KCNMB2: variants seen among roughly 807,000 people sequenced by gnomAD.
The protein encoded by KCNMB2 is potassium calcium-activated channel subfamily M regulatory beta subunit 2.
Under a neutral mutation model 24.5 loss-of-function variants are expected in KCNMB2, and 9 were observed. The observed-to-expected ratio is 0.37, with a 90% CI of 0.22 to 0.64. The LOEUF (loss-of-function observed/expected upper bound fraction) is 0.64, where lower values mean the gene tolerates loss of function less well. KCNMB2 is among the 30% of genes least tolerant of loss of function. The probability of loss-of-function intolerance (pLI) is 0.63; values close to 1 mark genes in which losing one functional copy is unlikely to be tolerated. For synonymous variants in KCNMB2, 109 were observed against 104.4 expected (o/e 1.04, Z -0.27); for missense variants, 226 against 284.3 (o/e 0.79, Z 1.47).
intron 1 of KCNMB2, among the ~76,000 whole-genome samples, chr3:178,591,199 C>T (rs570071779): frequency 1.3e-5 from 2 of 151,910 alleles, no homozygotes; most frequent in East Asian, 3.9e-4. Context: ...GGAAAAAAAA[C>T]CTCAAACATC....
chr3:178,587,126 C>G (rs1717471499), intron 1 of KCNMB2, among the ~76,000 whole-genome samples: 1 of 152,056 alleles, frequency 6.6e-6, no homozygotes. Context: ...ATGGTTTGAA[C>G]TCTATTCTGC....
chr3:178,554,045 T>C (rs948030990), intron 1 of KCNMB2, among the ~76,000 whole-genome samples: 3 of 152,206 alleles, frequency 2.0e-5, no homozygotes, highest in African/African-American at 4.8e-5. Context: ...TCAGGTGTTA[T>C]GCTTACATGA....
rs78847193 is a variant in KCNMB2, at chr3:178,723,402, T to G, written c.-67-83941T>G. Among the ~76,000 whole-genome samples, 989 of 152,344 alleles carry G rather than the reference T, an allele frequency of 6.5e-3. 9 individuals are homozygous for G. Among genetic ancestry groups the G allele is most frequent in the African/African-American group, 0.023 (949 of 41,578 alleles). On this transcript the variant is annotated intron_variant, in intron 1 of 4. Transcript: ENST00000452583. ...TGTCTTTCATCAGCATTTTGTAGTT[T>G]TCAGCAAATAAAATAGGCAGATGCT...
intron 1 of KCNMB2, among the ~76,000 whole-genome samples, chr3:178,767,984 G>A (rs571813714): frequency 6.0e-4 from 90 of 150,416 alleles, no homozygotes; most frequent in African/African-American, 1.9e-3. Flanking sequence ...TGCAGTGTTC[G>A]CATTTGGCTG....
At chr3:178,609,625 A>C (rs1477956525) in intron 1 of KCNMB2, among the ~76,000 whole-genome samples, 1 of 151,532 alleles carries the variant, frequency 6.6e-6, no homozygotes, top group African/African-American at 2.4e-5. Context: ...CTTAGATATA[A>C]GTCTTTAGTC....
intron 1 of KCNMB2, among the ~76,000 whole-genome samples, chr3:178,614,287 A>ATATATATATATATATATATATG (rs1718616528): frequency 1.3e-5 from 1 of 74,510 alleles, no homozygotes; most frequent in African/African-American, 4.5e-5. Context: ...ATATATATAT[A>ATATATATATATATATATATATG]TATATATATG....
At chr3:178,694,979 C>A (rs1482220125) in intron 1 of KCNMB2, among the ~76,000 whole-genome samples, 4 of 152,232 alleles carry the variant, frequency 2.6e-5, no homozygotes, top group Non-Finnish European at 5.9e-5. Context: ...TCTGCACTGA[C>A]CTGGCAGAGG....
intron 4 of KCNMB2, among the ~76,000 whole-genome samples, chr3:178,835,245 T>C (rs1003851611): frequency 6.6e-6 from 1 of 152,054 alleles, no homozygotes; most frequent in African/African-American, 2.4e-5. Context: ...CAGTCATGCA[T>C]AGCAGTGTGA....
At chr3:178,784,548 C>T (rs1713018246) in intron 1 of KCNMB2, among the ~76,000 whole-genome samples, 1 of 152,010 alleles carries the variant, frequency 6.6e-6, no homozygotes, top group Admixed American at 6.6e-5. Flanking sequence ...CCCAAGTCAT[C>T]CTATTAAACA....
intron 1 of KCNMB2, among the ~76,000 whole-genome samples, chr3:178,691,721 C>T (rs1480348671): frequency 6.6e-6 from 1 of 152,144 alleles, no homozygotes; most frequent in Non-Finnish European, 1.5e-5. Context: ...TGAACATACG[C>T]ATGCATGTGT....
At chr3:178,655,886 C>T (rs184652454) in intron 1 of KCNMB2, among the ~76,000 whole-genome samples, 5 of 152,278 alleles carry the variant, frequency 3.3e-5, no homozygotes, top group Admixed American at 2.6e-4. Context: ...TTACTTTTAT[C>T]ACAGGGAAAA....
intron 1 of KCNMB2, among the ~76,000 whole-genome samples, chr3:178,708,430 A>T (rs1293537627): frequency 6.6e-6 from 1 of 152,188 alleles, no homozygotes; most frequent in Non-Finnish European, 1.5e-5. Context: ...ACTGTGGGGT[A>T]AAATGCTATT....
chr3:178,751,380 ACCAGCCTGGCCAACATAGTGAAAC>A (rs1397053043), intron 1 of KCNMB2, among the ~76,000 whole-genome samples: 1 of 152,032 alleles, frequency 6.6e-6, no homozygotes, highest in African/African-American at 2.4e-5. Flanking sequence ...GGAGTTTGAG[ACCAGCCTGGCCAACATAGTGAAAC>A]CCCATCTGTA....
intron 1 of KCNMB2, among the ~76,000 whole-genome samples, chr3:178,700,504 A>G (rs547747637): frequency 3.3e-5 from 5 of 152,386 alleles, no homozygotes; most frequent in African/African-American, 9.6e-5. Context: ...CCATACAGTG[A>G]TATTGGGCTA....
At chr3:178,631,027 A>G (rs191671501) in intron 1 of KCNMB2, among the ~76,000 whole-genome samples, 1 of 152,348 alleles carries the variant, frequency 6.6e-6, no homozygotes. Flanking sequence ...GAAAGAAGTC[A>G]GACAACTTAA....
intron 1 of KCNMB2, among the ~76,000 whole-genome samples, chr3:178,642,815 C>T (rs1719775048): frequency 6.6e-6 from 1 of 152,204 alleles, no homozygotes; most frequent in Admixed American, 6.5e-5. Flanking sequence ...ATTTGATCTA[C>T]TTCTTCATCA....
intron 1 of KCNMB2, among the ~76,000 whole-genome samples, chr3:178,728,553 A>G (rs189751221): frequency 2.0e-5 from 3 of 151,398 alleles, no homozygotes; most frequent in East Asian, 3.9e-4. Flanking sequence ...AAGAGATGAG[A>G]TCAGCTTTGG....
At chr3:178,789,123 A>C (rs1175154699) in intron 1 of KCNMB2, among the ~76,000 whole-genome samples, 1 of 152,240 alleles carries the variant, frequency 6.6e-6, no homozygotes, top group Non-Finnish European at 1.5e-5. Flanking sequence ...ATAAAAGCCC[A>C]TTGCTGAGTT....
At chr3:178,776,197 T>G (rs1050832499) in intron 1 of KCNMB2, among the ~76,000 whole-genome samples, 1 of 152,166 alleles carries the variant, frequency 6.6e-6, no homozygotes, top group Non-Finnish European at 1.5e-5. Context: ...ACCTCTCATT[T>G]TATTATTTTA....
Sources: gnomAD v4.1 joint callset for allele counts (sites outside exome capture counted in the v4.1 genomes callset) on GRCh38, gnomAD v4.1.1 for gene constraint, MANE v1.5 for transcripts, NCBI Gene and HGNC (gene_info 2026-07-23, HGNC 2026-07-21) for gene names.